The following TAFA1 variants were observed in gnomAD, a reference collection of about 807,000 sequenced individuals.
The protein encoded by TAFA1 is TAFA chemokine like family member 1, also known as chemokine-like protein TAFA-1.
Under a neutral mutation model 18.5 loss-of-function variants are expected in TAFA1, and 4 were observed. That is an observed-to-expected ratio of 0.22 (90% CI 0.11 to 0.49). The LOEUF is 0.49. TAFA1 is among the 20% of genes least tolerant of loss of function. TAFA1 has a pLI of 0.98. For synonymous variants in TAFA1, 56 were observed against 55.2 expected (o/e 1.01, Z -0.06); for missense variants, 147 against 169.0 (o/e 0.87, Z 0.72).
At chr3:68,076,531 C>A (rs1215236988) in intron 2 of TAFA1, among the ~76,000 whole-genome samples, 1 of 139,608 alleles carries the variant, frequency 7.2e-6, no homozygotes, top group African/African-American at 2.7e-5. Flanking sequence ...TCGTTCAATT[C>A]CCACCTACGA....
At chr3:68,278,561 A>G (rs1005630345) in intron 2 of TAFA1, among the ~76,000 whole-genome samples, 1 of 152,136 alleles carries the variant, frequency 6.6e-6, no homozygotes, top group Non-Finnish European at 1.5e-5. Context: ...ACAGCCATGC[A>G]TCAAGTTTTC....
At chr3:68,219,411 T>A (rs1203014589) in intron 2 of TAFA1, among the ~76,000 whole-genome samples, 1 of 152,166 alleles carries the variant, frequency 6.6e-6, no homozygotes. Flanking sequence ...AGTCATGTTT[T>A]AGCACTCTGT....
intron 2 of TAFA1, among the ~76,000 whole-genome samples, chr3:68,204,408 AT>A (rs1467354383): frequency 1.3e-5 from 2 of 151,184 alleles, no homozygotes; most frequent in African/African-American, 4.8e-5. Flanking sequence ...CCCCAGAAAA[AT>A]TAGTTTAACC....
intron 2 of TAFA1, among the ~76,000 whole-genome samples, chr3:68,324,263 G>A (rs2068741190): frequency 6.6e-6 from 1 of 151,746 alleles, no homozygotes; most frequent in Admixed American, 6.6e-5. Flanking sequence ...TAGCCTTGTT[G>A]ATAAATATAG....
intron 3 of TAFA1, among the ~76,000 whole-genome samples, chr3:68,425,488 A>G (rs1170366111): frequency 6.6e-6 from 1 of 151,890 alleles, no homozygotes; most frequent in Non-Finnish European, 1.5e-5. Context: ...AAGTGATGGC[A>G]TTTTCAGGCA....
intron 2 of TAFA1, among the ~76,000 whole-genome samples, chr3:68,184,515 TA>T (rs1192883906): frequency 6.6e-6 from 1 of 152,158 alleles, no homozygotes; most frequent in African/African-American, 2.4e-5. Context: ...TCTATAAGGA[TA>T]AAAATTATTA....
intron 2 of TAFA1, among the ~76,000 whole-genome samples, chr3:68,264,001 T>C (rs1428898999): frequency 3.3e-5 from 5 of 152,092 alleles, no homozygotes; most frequent in Non-Finnish European, 7.4e-5. Context: ...CAAAATAAAG[T>C]AGATTTGAGG....
intron 3 of TAFA1, among the ~76,000 whole-genome samples, chr3:68,522,274 A>G (rs896432119): frequency 6.6e-6 from 1 of 152,194 alleles, no homozygotes; most frequent in Non-Finnish European, 1.5e-5. Context: ...GATCTGATAT[A>G]AATCATTTCC....
chr3:68,035,678 G>A (rs1227341071), intron 2 of TAFA1, among the ~76,000 whole-genome samples: 1 of 152,180 alleles, frequency 6.6e-6, no homozygotes, highest in Non-Finnish European at 1.5e-5. Context: ...TCCCACTTCT[G>A]AGTATTCGCC....
intron 2 of TAFA1, among the ~76,000 whole-genome samples, chr3:68,021,363 C>T (rs1022720203): frequency 6.6e-5 from 10 of 152,174 alleles, no homozygotes; most frequent in African/African-American, 2.4e-4. Flanking sequence ...TATAATTGTG[C>T]TATAGTTCTA....
chr3:68,050,340 A>G (rs900979596), intron 2 of TAFA1, among the ~76,000 whole-genome samples: 1 of 152,114 alleles, frequency 6.6e-6, no homozygotes, highest in African/African-American at 2.4e-5. Flanking sequence ...TGGGCCATTT[A>G]TGCTATGGCA....
At chr3:68,522,527 C>A (rs1429428007) in intron 3 of TAFA1, among the ~76,000 whole-genome samples, 1 of 152,168 alleles carries the variant, frequency 6.6e-6, no homozygotes, top group Non-Finnish European at 1.5e-5. Flanking sequence ...AGAGGCAGCA[C>A]CTAAGTCAGG....
rs187445514 is a variant in TAFA1 at position 68,085,255 on chromosome 3, G to A, written c.118+78511G>A. 2.7e-3 allele frequency among the ~76,000 whole-genome samples: 417 copies of A among 152,254 alleles called. 3 individuals carry two copies. The highest frequency in any genetic ancestry group is 9.6e-3 in the African/African-American group (400 of 41,548). On this transcript the variant is annotated intron_variant, in intron 2 of 4. Transcript: ENST00000478136. ...AGGGATTCTGTGGTTAAAGAAATCT[G>A]GAGACATTCAATTAAAGAAAGCTAA...
chr3:68,171,654 T>A (rs2066055267), intron 2 of TAFA1, among the ~76,000 whole-genome samples: 1 of 152,162 alleles, frequency 6.6e-6, no homozygotes. Flanking sequence ...CTTTAAGCAA[T>A]TACAAATATG....
intron 2 of TAFA1, among the ~76,000 whole-genome samples, chr3:68,080,259 C>G (rs1381169904): frequency 6.6e-6 from 1 of 152,172 alleles, no homozygotes; most frequent in Admixed American, 6.5e-5. Context: ...GGTCTTGACT[C>G]TTGATCCAAT....
At chr3:68,440,443 T>C (rs187865533) in intron 3 of TAFA1, among the ~76,000 whole-genome samples, 1 of 152,212 alleles carries the variant, frequency 6.6e-6, no homozygotes, top group Non-Finnish European at 1.5e-5. Context: ...GAAGATTTTT[T>C]ATAGCACAAG....
chr3:68,344,104 A>G (rs262213), intron 2 of TAFA1, among the ~76,000 whole-genome samples: 57,548 of 152,124 alleles, frequency 0.38, 11,206 homozygotes, highest in South Asian at 0.56. Context: ...GGGCCTCCCA[A>G]AGTGCTGGGA....
intron 2 of TAFA1, among the ~76,000 whole-genome samples, chr3:68,050,210 A>G (rs568222550): frequency 6.6e-6 from 1 of 152,302 alleles, no homozygotes; most frequent in African/African-American, 2.4e-5. Flanking sequence ...AGGGAAGAAG[A>G]AAAAACCATT....
At chr3:68,056,793 G>T (rs2064542172) in intron 2 of TAFA1, among the ~76,000 whole-genome samples, 1 of 152,158 alleles carries the variant, frequency 6.6e-6, no homozygotes, top group South Asian at 2.1e-4. Flanking sequence ...AGTATGGTTT[G>T]ATTGTAGTTC....
Sources: allele counts gnomAD v4.1 joint callset (sites outside exome capture counted in the v4.1 genomes callset), GRCh38; gene constraint gnomAD v4.1.1; transcripts MANE v1.5; gene names NCBI Gene and HGNC (gene_info 2026-07-23, HGNC 2026-07-21).